The following TRRAP variants were observed in gnomAD, a reference collection of about 807,000 sequenced individuals.
The protein encoded by TRRAP is transformation/transcription domain-associated protein.
A neutral mutation model predicts 438.8 loss-of-function variants in TRRAP; 41 were observed. The observed-to-expected ratio is 0.09, with a 90% CI of 0.07 to 0.12. The LOEUF (loss-of-function observed/expected upper bound fraction) is 0.12. Ranked by LOEUF, TRRAP falls within the 10% of genes least tolerant of loss-of-function variation. The probability of loss-of-function intolerance (pLI) is 1.00; values close to 1 mark genes in which losing one functional copy is unlikely to be tolerated. For missense variants in TRRAP, 3,122 were observed against 5,055.1 expected, an observed-to-expected ratio of 0.62 and a Z score of 11.60; for synonymous variants, 1,994 against 1,962.9, an observed-to-expected ratio of 1.02 and a Z score of -0.42.
At chr7:98,983,506 C>T (rs765389461) in intron 60 of TRRAP, 47 bp downstream of exon 60, 61 of 1,604,132 alleles carry the variant, frequency 3.8e-5, no homozygotes, top group East Asian at 2.7e-4. Context: ...ATTTTCCAGA[C>T]GCCCCACGGT....
At chr7:99,007,976 C>A (rs1794267134) in intron 69 of TRRAP, among the ~76,000 whole-genome samples, 2 of 151,970 alleles carry the variant, frequency 1.3e-5, no homozygotes, top group South Asian at 4.2e-4. Flanking sequence ...CAGGCACCTG[C>A]CACCACTCCC....
intron 69 of TRRAP, among the ~76,000 whole-genome samples, chr7:99,008,106 G>A (rs919694849): frequency 2.0e-5 from 3 of 152,192 alleles, no homozygotes; most frequent in Non-Finnish European, 2.9e-5. Flanking sequence ...TTACAGGCGT[G>A]AGCCACTGTG....
intron 22 of TRRAP, among the ~76,000 whole-genome samples, chr7:98,926,873 G>A (rs571540090): frequency 1.6e-4 from 25 of 152,032 alleles, no homozygotes; most frequent in African/African-American, 6.0e-4. Context: ...AAAAAAATTA[G>A]CTGGGCGTGG....
chr7:98,937,917 G>A, intron 30 of TRRAP, 97 bp downstream of exon 30: 7 of 1,345,936 alleles, frequency 5.2e-6, no homozygotes, highest in Non-Finnish European at 6.8e-6. Flanking sequence ...GTTCACGCCT[G>A]TAATCCCAGC....
In TRRAP at chr7:98,970,256, C is replaced by A; in HGVS notation, c.7657C>A (p.Pro2553Thr). Reference protein sequence around the residue: ...FAMVTHVKQEPRERENSESKE... With the variant: ...FAMVTHVKQETRERENSESKE... ...CATGGTCACACATGTCAAGCAGGAG[C>A]CCCGGGAGCGGGAGAACAGCGAGTC... is the stretch of plus-strand genomic sequence containing the variant. Residue 2553 changes from proline (P) to threonine (T), a missense_variant, in exon 52 of 73, where the codon CCC becomes ACC. Around this residue, in one of 24 missense-constraint regions of TRRAP, gnomAD observed 992 missense variants for 1,281.2 expected, o/e 0.77. Transcript: ENST00000456197. The A allele has an allele frequency of 1.2e-6, 2 of 1,613,298 alleles. No homozygotes were observed. Among genetic ancestry groups the A allele is most frequent in the Non-Finnish European group, 8.5e-7 (1 of 1,180,008 alleles).
chr7:98,900,365 G>C (rs907944824), intron 10 of TRRAP, among the ~76,000 whole-genome samples: 1 of 152,180 alleles, frequency 6.6e-6, no homozygotes, highest in Non-Finnish European at 1.5e-5. Flanking sequence ...GGATTGAGTA[G>C]AACGGCCTGG....
rs1491144770 is a variant in TRRAP at position 99,013,206 on chromosome 7, GAT to G, written c.*852_*853del. ...TGTTCTATCTAAATTTGTACAGTGT[GAT>G]TTTTTTTTTTAGAATAAATATTTTA... is the stretch of plus-strand genomic sequence containing the variant. On this transcript the variant is annotated 3_prime_UTR_variant, in exon 73 of 73. Transcript: ENST00000456197. 1 of 151,532 alleles carries G rather than the reference GAT, an allele frequency of 6.6e-6. No homozygotes were observed. The highest frequency in any genetic ancestry group is 1.5e-5 in the Non-Finnish European group (1 of 68,006). 9.4% of individuals were successfully genotyped at this position (151,532 alleles called of 1,614,324 possible).
intron 67 of TRRAP, among the ~76,000 whole-genome samples, chr7:99,003,406 A>G (rs1344352072): frequency 1.3e-5 from 2 of 152,112 alleles, no homozygotes; most frequent in African/African-American, 4.8e-5. Context: ...GCTCACTTTG[A>G]TTACAATATC....
At position 98,971,826 on chromosome 7, in the gene TRRAP, C is replaced by T; in HGVS notation, c.7720C>T (p.Pro2574Ser). Residue 2574 changes from proline (P) to serine (S), a missense_variant, in exon 53 of 73, where the codon CCT becomes TCT. Coordinates refer to ENST00000456197, the MANE Select transcript of TRRAP (RefSeq NM_001375524.1). ...EDVEIDIELA[P>S]GDQTSTPKTK... ...TGTAGAGATAGACATCGAACTAGCT[C>T]CTGGGGATCAGACCAGCACGCCCAA... 2.5e-6 allele frequency: 4 copies of T among 1,614,088 alleles called. No individual in the cohort carries two copies. Among genetic ancestry groups the T allele is most frequent in the South Asian group, 1.1e-5 (1 of 91,072 alleles).
intron 3 of TRRAP, among the ~76,000 whole-genome samples, chr7:98,888,516 G>A (rs931400339): frequency 5.9e-5 from 9 of 152,290 alleles, no homozygotes; most frequent in Non-Finnish European, 8.8e-5. Flanking sequence ...CAGCCTGGGC[G>A]ACAGAGTGAG....
chr7:98,965,788 A>G lies in TRRAP; in HGVS notation c.7069A>G (p.Ile2357Val), dbSNP rs1792125975. Residue 2357 changes from isoleucine to valine, a missense_variant, in exon 49 of 73, where the codon ATC (isoleucine) becomes GTC (valine). Ile to Val is a conservative substitution (Grantham distance 29). This residue lies in a region of TRRAP where 992 missense variants were observed against 1,281.2 expected (regional missense o/e 0.77). Coordinates refer to ENST00000456197, the MANE Select transcript of TRRAP (RefSeq NM_001375524.1). ...MEMRKNFIQA[I>V]LTSLIEKSPD... ...GATGCGGAAGAACTTCATCCAGGCC[A>G]TCCTGACATCCCTCATCGAAAAATC... The G allele has an allele frequency of 1.2e-6, 2 of 1,614,034 alleles. No homozygotes were observed. The highest frequency in any genetic ancestry group is 1.1e-5 in the South Asian group (1 of 91,084).
chr7:98,997,757 C>T (rs924213367), intron 67 of TRRAP, among the ~76,000 whole-genome samples: 21 of 152,214 alleles, frequency 1.4e-4, no homozygotes, highest in East Asian at 7.7e-4. Context: ...GTGGAACAAA[C>T]GTAGCAAAGA....
At chr7:98,962,722 C>G (rs975600902) in intron 47 of TRRAP, among the ~76,000 whole-genome samples, 3 of 152,248 alleles carry the variant, frequency 2.0e-5, no homozygotes, top group African/African-American at 7.2e-5. Context: ...TAAACAGGCA[C>G]CGCAAGAGCT....
Position 98,955,290 on chromosome 7 carries a change from G to A in TRRAP, c.5923G>A (p.Val1975Met). Reference protein sequence around the residue: ...PQLVHILHLIVQHFKVYYPVR... With the variant: ...PQLVHILHLIMQHFKVYYPVR... ...GCTGGTCCACATTCTGCACCTGATA[G>A]TGCAACACTTCAAGGTGTGTAGGAG... Residue 1975 changes from valine to methionine, a missense_variant, in exon 41 of 73, where the codon GTG (valine) becomes ATG (methionine). By Grantham distance (21) the Val-to-Met change is conservative (BLOSUM62 1). Around this residue, in one of 24 missense-constraint regions of TRRAP, gnomAD observed 992 missense variants for 1,281.2 expected, o/e 0.77. Transcript: ENST00000456197. 1 of 1,613,440 alleles carries A rather than the reference G, an allele frequency of 6.2e-7. No individual in the cohort carries two copies.
chr7:98,908,665 G>C lies in TRRAP; in HGVS notation c.1116-63G>C, dbSNP rs1796904762. 1 of 1,439,162 alleles carries C rather than the reference G, an allele frequency of 6.9e-7. No homozygotes were observed. 89.1% of individuals were successfully genotyped at this position (1,439,162 alleles called of 1,614,324 possible). On this transcript the variant is annotated intron_variant, in intron 13 of 72. Transcript: ENST00000456197. The surrounding 1 kb of genome is among the most constrained non-coding windows in gnomAD (Gnocchi z 4.1). Reference sequence around the variant, plus strand: ...CCTGGGGCAGATGGTGATATCCTTGGTGGCCTGCTGCAGCAGGCATGGCCA... The same window carrying C: ...CCTGGGGCAGATGGTGATATCCTTGCTGGCCTGCTGCAGCAGGCATGGCCA...
At chr7:98,965,994 T>C in intron 49 of TRRAP, 99 bp downstream of exon 49, 1 of 1,398,950 alleles carries the variant, frequency 7.1e-7, no homozygotes, top group Non-Finnish European at 9.8e-7. Context: ...AAACATTTTT[T>C]TCTGCTGTAA....
intron 18 of TRRAP, among the ~76,000 whole-genome samples, chr7:98,914,649 A>G (rs1789435176): frequency 7.9e-6 from 1 of 126,722 alleles, no homozygotes; most frequent in Non-Finnish European, 1.6e-5. Context: ...TGGGAGGCGG[A>G]GGTCACAGTG....
chr7:98,990,690 C>G, intron 64 of TRRAP, 71 bp downstream of exon 64: 2 of 1,504,424 alleles, frequency 1.3e-6, no homozygotes, highest in Non-Finnish European at 1.8e-6. Context: ...CTTTTTTCTC[C>G]CAGAAAGTAA....
At chr7:98,944,741 C>T (rs11979532) in intron 31 of TRRAP, among the ~76,000 whole-genome samples, 81 of 152,276 alleles carry the variant, frequency 5.3e-4, no homozygotes, top group African/African-American at 1.9e-3. Flanking sequence ...GACAGTGTTC[C>T]GTTGAGACAC....
Sources: allele counts gnomAD v4.1 joint callset (sites outside exome capture counted in the v4.1 genomes callset), GRCh38; gene constraint gnomAD v4.1.1; regional missense constraint gnomAD v4.1.1; non-coding constraint Gnocchi (gnomAD v3.1); transcripts MANE v1.5; gene names NCBI Gene and HGNC (gene_info 2026-07-23, HGNC 2026-07-21).